Variants in ADAM11 observed in about 807,000 individuals in gnomAD.
The protein encoded by ADAM11 is ADAM metallopeptidase domain 11, also known as disintegrin and metalloproteinase domain-containing protein 11.
ADAM11 carries 49 observed loss-of-function variants against 119.1 expected under a neutral mutation model. The ratio of observed to expected loss-of-function variants is 0.41; its 90% confidence interval spans 0.33 to 0.52. ADAM11 has a LOEUF of 0.52. Ranked by LOEUF, ADAM11 falls within the 20% of genes least tolerant of loss-of-function variation. ADAM11 has a pLI of 0.20. For missense variants in ADAM11, 777 were observed against 1,047.5 expected, an observed-to-expected ratio of 0.74 and a Z score of 3.56; for synonymous variants, 364 against 408.0, an observed-to-expected ratio of 0.89 and a Z score of 1.30.
Position 44,776,156 on chromosome 17 carries a change from G to A in ADAM11, c.1515G>A (p.Glu505=), listed in dbSNP as rs1302503398. The change falls in exon 18 of 27, where the codon GAG becomes GAA. Residue 505 remains glutamate, a synonymous_variant. Coordinates refer to ENST00000200557, the MANE Select transcript of ADAM11 (RefSeq NM_002390.6). The surrounding 1 kb of genome is among the most constrained non-coding windows in gnomAD (Gnocchi z 5.2). The part of the protein sequence containing the change: ...KYEPRGVSCR[E]AVNECDIAET... ...AACCACGGGGTGTGTCCTGCCGAGA[G>A]GCCGTGAACGAGTGCGACATCGCGG... is the stretch of plus-strand genomic sequence containing the variant. The A allele has an allele frequency of 2.5e-6, 4 of 1,613,568 alleles. No homozygotes were observed. In the East Asian group the frequency reaches 8.9e-5, roughly 36 times the overall value.
intron 2 of ADAM11, among the ~76,000 whole-genome samples, chr17:44,767,303 T>C (rs1039389052): frequency 7.3e-6 from 1 of 137,146 alleles, no homozygotes. Context: ...TGCAGTGAGC[T>C]GAGATTGCAC....
chr17:44,770,092 G>T (rs1468836208), intron 4 of ADAM11, 44 bp downstream of exon 4: 1 of 1,605,620 alleles, frequency 6.2e-7, no homozygotes, highest in Non-Finnish European at 8.5e-7. Flanking sequence ...TGGAAGGGAG[G>T]TGCTGTTTCT....
intron 11 of ADAM11, 41 bp from the exon 12 acceptor site, chr17:44,774,254 G>A: frequency 7.4e-7 from 1 of 1,349,020 alleles, no homozygotes; most frequent in Non-Finnish European, 9.9e-7. Context: ...GGAGCCACAG[G>A]GGAGGGCAGG....
rs1329957664 is a variant in ADAM11, at chr17:44,771,838, C to A, written c.543+7C>A. ...ACCTTGGGGAGCCCCTCAGGTAAGC[C>A]CCACACAACCCCTTGCCATCCTCTC... is the stretch of plus-strand genomic sequence containing the variant. On this transcript the variant is annotated splice_region_variant and intron_variant, in intron 6 of 26. Coordinates refer to ENST00000200557, the MANE Select transcript of ADAM11 (RefSeq NM_002390.6). 1 of 1,598,454 alleles carries A rather than the reference C, an allele frequency of 6.3e-7. No individual in the cohort carries two copies. Among genetic ancestry groups the A allele is most frequent in the Non-Finnish European group, 8.6e-7 (1 of 1,168,982 alleles).
Position 44,759,268 on chromosome 17 carries a change from AC to A in ADAM11, c.61+13del. 7 of 1,384,034 alleles carry A rather than the reference AC, an allele frequency of 5.1e-6. No individual in the cohort carries two copies. Among genetic ancestry groups the A allele is most frequent in the East Asian group, 3.1e-5 (1 of 32,512 alleles). The allele number at this position is 1,384,034 out of a possible 1,614,324, so 85.7% of individuals were successfully genotyped here. A position where few individuals can be genotyped will look rare whatever the true frequency, so the allele number is the denominator to read the frequency against. On this transcript the variant is annotated intron_variant, in intron 1 of 26. Transcript: ENST00000200557. ...CGCTGCTCCCCACGCCCGGTGAGTG[AC>A]CCCCGCCCGGCCCCGGCGCCCCCTC...
At chr17:44,779,117 G>A (rs2049653708) in intron 25 of ADAM11, 105 bp from the exon 26 acceptor site, 23 of 1,456,744 alleles carry the variant, frequency 1.6e-5, no homozygotes, top group Middle Eastern at 1.8e-4. Flanking sequence ...CCCCGGCCCC[G>A]CTCTGGGGCA....
chr17:44,760,395 C>T (rs913055189), intron 2 of ADAM11, among the ~76,000 whole-genome samples: 2 of 152,210 alleles, frequency 1.3e-5, no homozygotes, highest in Admixed American at 1.3e-4. Flanking sequence ...TTCTTCCTGT[C>T]CTGGCTGAAG....
Position 44,777,427 on chromosome 17 carries a change from A to G in ADAM11, c.1782-55A>G. ...GCAGGGTGAGGGCAGATTAGAGTTCAGTAGTTGAGTCTGAGGTCAAACTTG... is the reference window on the plus strand; with the variant it reads ...GCAGGGTGAGGGCAGATTAGAGTTCGGTAGTTGAGTCTGAGGTCAAACTTG... On this transcript the variant is annotated intron_variant, in intron 21 of 26. Transcript: ENST00000200557. This position sits in a 1 kb window ranked among gnomAD's most constrained non-coding sequence, Gnocchi z 5.1. The G allele has an allele frequency of 6.3e-7, 1 of 1,588,514 alleles. No individual in the cohort carries two copies. The highest frequency in any genetic ancestry group is 8.6e-7 in the Non-Finnish European group (1 of 1,157,922).
rs1235840770 is a variant in ADAM11 at position 44,771,753 on chromosome 17, C to T, written c.468-3C>T. ...GAGGGGAGCTGCGCCTCTCTCTCCACAGTGGGGTCTTCTCTGATGGGAACT... is the reference window on the plus strand; with the variant it reads ...GAGGGGAGCTGCGCCTCTCTCTCCATAGTGGGGTCTTCTCTGATGGGAACT... On this transcript the variant is annotated splice_polypyrimidine_tract_variant and splice_region_variant and intron_variant, in intron 5 of 26. Coordinates refer to ENST00000200557, the MANE Select transcript of ADAM11 (RefSeq NM_002390.6). 5 of 1,613,664 alleles carry T rather than the reference C, an allele frequency of 3.1e-6. No homozygotes were observed. The African/African-American group carries it at 5.3e-5, about 17-fold the overall frequency.
Position 44,775,073 on chromosome 17 carries a change from C to T in ADAM11, c.1221-139C>T. The T allele has an allele frequency of 1.3e-6, 1 of 784,832 alleles. No homozygotes were observed. The allele number at this position is 784,832 out of a possible 1,614,324, so 48.6% of individuals were successfully genotyped here. On this transcript the variant is annotated intron_variant, in intron 14 of 26. Transcript: ENST00000200557. This position sits in a 1 kb window ranked among gnomAD's most constrained non-coding sequence, Gnocchi z 7.5. Reference sequence around the variant, plus strand: ...AGCGACAGGGACAGGCGGGAGGATTCTGGTGCAATCCCGGGGCAGATCCTC... The same window carrying T: ...AGCGACAGGGACAGGCGGGAGGATTTTGGTGCAATCCCGGGGCAGATCCTC...
Position 44,774,422 on chromosome 17 carries a change from A to C in ADAM11, c.1077+43A>C, listed in dbSNP as rs765610891. On this transcript the variant is annotated intron_variant, in intron 12 of 26. Transcript: ENST00000200557. ...ATGGCTGGGGTGGCGGCTGAGGGAA[A>C]GGGGCTTCAGGGGCACGACGTGCCT... 3.2e-6 allele frequency: 5 copies of C among 1,563,276 alleles called. No homozygotes were observed. In the South Asian group the frequency reaches 5.8e-5, roughly 18 times the overall value.
rs1377504649 is a variant in ADAM11 at position 44,775,634 on chromosome 17, C to T, written c.1443C>T (p.His481=). The change falls in exon 17 of 27, where the codon CAC becomes CAT. Residue 481 remains histidine, a synonymous_variant. Coordinates refer to ENST00000200557, the MANE Select transcript of ADAM11 (RefSeq NM_002390.6). The surrounding 1 kb of genome is among the most constrained non-coding windows in gnomAD (Gnocchi z 7.5). ...GNCCKKCTLT[H]DAMCSDGLCC... ...GCTGCAAGAAATGCACCCTGACTCA[C>T]GACGCCATGTGCAGCGACGGGCTCT... is the stretch of plus-strand genomic sequence containing the variant. 3 of 1,592,796 alleles carry T rather than the reference C, an allele frequency of 1.9e-6. No homozygotes were observed. Among genetic ancestry groups the T allele is most frequent in the African/African-American group, 1.3e-5 (1 of 74,650 alleles).
chr17:44,773,126 C>CT lies in ADAM11; in HGVS notation c.825+41_825+42insT. 6.2e-7 allele frequency: 1 copy of CT among 1,601,192 alleles called. No homozygotes were observed. Among genetic ancestry groups the CT allele is most frequent in the Non-Finnish European group, 8.6e-7 (1 of 1,169,158 alleles). ...TCCCTCCCTTCCCTCCTCCTCATGCCCCCCACCCCACCACACACATTAGGG... is the reference window on the plus strand; with the variant it reads ...TCCCTCCCTTCCCTCCTCCTCATGCCTCCCCACCCCACCACACACATTAGGG... On this transcript the variant is annotated intron_variant, in intron 10 of 26. Transcript: ENST00000200557. This position sits in a 1 kb window ranked among gnomAD's most constrained non-coding sequence, Gnocchi z 4.6.
rs2049559317 is a variant in ADAM11, at chr17:44,773,634, T to C, written c.992+207T>C. On this transcript the variant is annotated intron_variant, in intron 11 of 26. Coordinates refer to ENST00000200557, the MANE Select transcript of ADAM11 (RefSeq NM_002390.6). The surrounding 1 kb of genome is among the most constrained non-coding windows in gnomAD (Gnocchi z 4.6). ...GATGCCCTTGTCTTAGCCCTGGTGG[T>C]CCTCTTCTGCCTCTCACCTCCCCTT... Among the ~76,000 whole-genome samples the C allele has an allele frequency of 6.6e-6, 1 of 152,078 alleles. No homozygotes were observed. Among genetic ancestry groups the C allele is most frequent in the African/African-American group, 2.4e-5 (1 of 41,402 alleles).
In ADAM11 at chr17:44,759,118, G is replaced by T. The variant is rs1434410613; in HGVS notation, c.-82G>T. On this transcript the variant is annotated 5_prime_UTR_variant, in exon 1 of 27. Transcript: ENST00000200557. Reference sequence around the variant, plus strand: ...CCCCCGCCCCGGCTCCGCAGCTGGCGCCTCCCCACCCCCGTCCCTGCTCCC... The same window carrying T: ...CCCCCGCCCCGGCTCCGCAGCTGGCTCCTCCCCACCCCCGTCCCTGCTCCC... 2.0e-5 allele frequency: 11 copies of T among 537,172 alleles called. No homozygotes were observed. Among genetic ancestry groups the T allele is most frequent in the Non-Finnish European group, 2.7e-5 (11 of 408,112 alleles). 33.3% of individuals were successfully genotyped at this position (537,172 alleles called of 1,614,324 possible). A position where few individuals can be genotyped will look rare whatever the true frequency, so the allele number is the denominator to read the frequency against.
intron 2 of ADAM11, among the ~76,000 whole-genome samples, chr17:44,762,973 A>AAG (rs2049406938): frequency 6.6e-6 from 1 of 151,762 alleles, no homozygotes; most frequent in African/African-American, 2.4e-5. Context: ...CTCTACCAAA[A>AAG]AAAAAAAAAA....
rs2049359205 is a variant in ADAM11, at chr17:44,759,260, G to A, written c.61G>A (p.Gly21Ser). 7.0e-7 allele frequency: 1 copy of A among 1,419,832 alleles called. No homozygotes were observed. The highest frequency in any genetic ancestry group is 1.4e-5 in the South Asian group (1 of 70,794). 88.0% of individuals were successfully genotyped at this position (1,419,832 alleles called of 1,614,324 possible). A position where few individuals can be genotyped will look rare whatever the true frequency, so the allele number is the denominator to read the frequency against. ...GCTGCTGTCGCTGCTCCCCACGCCC[G>A]GTGAGTGACCCCCGCCCGGCCCCGG... ...ALLLSLLPTPGLGTQGPAGAL... is the reference protein window; with the variant it reads ...ALLLSLLPTPSLGTQGPAGAL... Residue 21 changes from glycine (G) to serine (S), a missense_variant and splice_region_variant, in exon 1 of 27, where the codon GGT becomes AGT. This residue lies in a region of ADAM11 where 278 missense variants were observed against 310.1 expected (regional missense o/e 0.90). Transcript: ENST00000200557.
At chr17:44,768,383 G>T (rs917056120) in intron 2 of ADAM11, among the ~76,000 whole-genome samples, 2 of 152,206 alleles carry the variant, frequency 1.3e-5, no homozygotes, top group African/African-American at 2.4e-5. Context: ...GGCCCTGGCC[G>T]TTGGTGCCCC....
chr17:44,771,688 C>G lies in ADAM11; in HGVS notation c.467+19C>G, dbSNP rs202093736. The G allele has an allele frequency of 1.2e-6, 2 of 1,612,216 alleles. No homozygotes were observed. The highest frequency in any genetic ancestry group is 1.3e-5 in the African/African-American group (1 of 74,860). ...GGCTGCAGTGAGTATGGGGAGGGGC[C>G]GGGCAGCTGGGAGAAGCCTCTGGCC... On this transcript the variant is annotated intron_variant, in intron 5 of 26. Transcript: ENST00000200557.
Sources: gnomAD v4.1 joint callset for allele counts (sites outside exome capture counted in the v4.1 genomes callset) on GRCh38, gnomAD v4.1.1 for gene constraint, gnomAD v4.1.1 regional missense constraint, Gnocchi (gnomAD v3.1) non-coding constraint, MANE v1.5 for transcripts, NCBI Gene and HGNC (gene_info 2026-07-23, HGNC 2026-07-21) for gene names.